Variants in ZNF423 observed in about 807,000 individuals in gnomAD.
ZNF423 encodes the protein Ebf-associated zinc finger protein.
ZNF423 carries 12 observed loss-of-function variants against 95.8 expected under a neutral mutation model. The observed-to-expected ratio is 0.13, with a 90% CI of 0.08 to 0.20. The LOEUF is 0.20. ZNF423 is among the 10% of genes least tolerant of loss of function. ZNF423 has a pLI of 1.00. For synonymous variants in ZNF423, 749 were observed against 711.9 expected, an observed-to-expected ratio of 1.05 and a Z score of -0.83; for missense variants, 1,316 against 1,737.1, an observed-to-expected ratio of 0.76 and a Z score of 4.31.
At chr16:49,689,932 A>G (rs149709421) in intron 3 of ZNF423, among the ~76,000 whole-genome samples, 51 of 152,314 alleles carry the variant, frequency 3.3e-4, no homozygotes, top group African/African-American at 1.2e-3. Flanking sequence ...TCAATAGCCA[A>G]GGACACTCTC....
At chr16:49,722,516 A>G (rs1055588813) in intron 3 of ZNF423, among the ~76,000 whole-genome samples, 1 of 152,248 alleles carries the variant, frequency 6.6e-6, no homozygotes, top group African/African-American at 2.4e-5. Context: ...CCCTGCTAAT[A>G]GCACACACTA....
chr16:49,563,124 T>C (rs117354002), intron 5 of ZNF423, among the ~76,000 whole-genome samples: 6,865 of 152,282 alleles, frequency 0.045, 221 homozygotes, highest in Middle Eastern at 0.088. Context: ...AGTTTGGATG[T>C]TTGACCTCTC....
At chr16:49,527,518 A>G (rs1370212182) in intron 5 of ZNF423, among the ~76,000 whole-genome samples, 1 of 152,060 alleles carries the variant, frequency 6.6e-6, no homozygotes, top group African/African-American at 2.4e-5. Flanking sequence ...TGCCTGGCAC[A>G]GGGTGTAGGA....
chr16:49,775,721 G>A lies in ZNF423; in HGVS notation c.100+13766C>T, dbSNP rs556777118. ...CTGCTGCCTCCTCACTCTAGAATGT[G>A]AGTCCTGGAAGTCAGGGACCCAACT... On this transcript the variant is annotated intron_variant, in intron 2 of 7. Transcript: ENST00000563137. 5.9e-5 allele frequency among the ~76,000 whole-genome samples: 9 copies of A among 152,296 alleles called. No homozygotes were observed. The East Asian group carries it at 1.7e-3, about 29-fold the overall frequency.
chr16:49,601,949 G>A (rs953701113), intron 5 of ZNF423, among the ~76,000 whole-genome samples: 3 of 152,236 alleles, frequency 2.0e-5, no homozygotes, highest in East Asian at 1.9e-4. Flanking sequence ...GTGATCTGGA[G>A]TCTTTCCTAT....
At chr16:49,806,773 A>C (rs2034670453) in intron 1 of ZNF423, among the ~76,000 whole-genome samples, 1 of 152,112 alleles carries the variant, frequency 6.6e-6, no homozygotes, top group African/African-American at 2.4e-5. Context: ...TCACGCCTGT[A>C]ATCCCAGCAC....
chr16:49,520,273 C>G (rs1968341068), intron 7 of ZNF423, among the ~76,000 whole-genome samples: 1 of 152,196 alleles, frequency 6.6e-6, no homozygotes, highest in Admixed American at 6.5e-5. Flanking sequence ...CCTAATTATT[C>G]GGTTGTGAAT....
At chr16:49,687,311 TGGAAGTGGG>T (rs1457252036) in intron 3 of ZNF423, among the ~76,000 whole-genome samples, 1 of 151,644 alleles carries the variant, frequency 6.6e-6, no homozygotes, top group Non-Finnish European at 1.5e-5. Flanking sequence ...TAGGAAGGGG[TGGAAGTGGG>T]GGAAGCTTCC....
chr16:49,534,241 T>C (rs1264496861), intron 5 of ZNF423, among the ~76,000 whole-genome samples: 1 of 7,924 alleles, frequency 1.3e-4, no homozygotes, highest in African/African-American at 5.5e-4. Context: ...TCTCCTTCTT[T>C]TTTTTTGTTT....
At chr16:49,812,783 G>A (rs1040175956) in intron 1 of ZNF423, among the ~76,000 whole-genome samples, 3 of 152,174 alleles carry the variant, frequency 2.0e-5, no homozygotes, top group Non-Finnish European at 4.4e-5. Context: ...GTGAGGGGCT[G>A]TATGGTGTAC....
intron 1 of ZNF423, among the ~76,000 whole-genome samples, chr16:49,822,161 AC>A (rs2034951395): frequency 7.0e-6 from 1 of 142,690 alleles, no homozygotes; most frequent in African/African-American, 2.6e-5. Flanking sequence ...TGCCTAAGTC[AC>A]CCCCGCAGGA....
chr16:49,614,219 A>C (rs11076487), intron 5 of ZNF423, among the ~76,000 whole-genome samples: 1 of 152,170 alleles, frequency 6.6e-6, no homozygotes, highest in African/African-American at 2.4e-5. Context: ...TTAGCCATTA[A>C]GGAAATGCAA....
intron 1 of ZNF423, among the ~76,000 whole-genome samples, chr16:49,804,888 C>T (rs1408059400): frequency 1.4e-5 from 2 of 139,910 alleles, no homozygotes; most frequent in Non-Finnish European, 3.1e-5. Context: ...CCTGATCCCA[C>T]AGCTTTTTTT....
intron 5 of ZNF423, among the ~76,000 whole-genome samples, chr16:49,531,514 C>T (rs1210941863): frequency 5.3e-5 from 8 of 152,062 alleles, no homozygotes; most frequent in African/African-American, 1.7e-4. Context: ...AGCTAGGAAC[C>T]TGAGCTGTGG....
At chr16:49,611,049 C>G (rs1327245580) in intron 5 of ZNF423, among the ~76,000 whole-genome samples, 1 of 152,016 alleles carries the variant, frequency 6.6e-6, no homozygotes, top group African/African-American at 2.4e-5. Context: ...GACATATCCA[C>G]AATTATAGTA....
At chr16:49,677,852 A>T (rs775263099) in intron 3 of ZNF423, among the ~76,000 whole-genome samples, 3 of 152,130 alleles carry the variant, frequency 2.0e-5, no homozygotes, top group Non-Finnish European at 4.4e-5. Flanking sequence ...AATTTCATAC[A>T]TTCCATTAGT....
chr16:49,518,585 C>CAAA, intron 7 of ZNF423: 8 of 375,136 alleles, frequency 2.1e-5, no homozygotes, highest in East Asian at 7.9e-5. Context: ...TGTTCCATTG[C>CAAA]AAAAAAAAAA....
At chr16:49,710,322 A>G (rs942191189) in intron 3 of ZNF423, among the ~76,000 whole-genome samples, 4 of 152,094 alleles carry the variant, frequency 2.6e-5, no homozygotes, top group African/African-American at 7.2e-5. Flanking sequence ...TATCCTTCCT[A>G]AAGTCCTTGC....
At chr16:49,694,212 G>T (rs1365512731) in intron 3 of ZNF423, among the ~76,000 whole-genome samples, 1 of 152,182 alleles carries the variant, frequency 6.6e-6, no homozygotes, top group Non-Finnish European at 1.5e-5. Flanking sequence ...GGAGGGAGAG[G>T]GAGGGAGACT....
Sources: gnomAD v4.1 joint callset for allele counts (sites outside exome capture counted in the v4.1 genomes callset) on GRCh38, gnomAD v4.1.1 for gene constraint, MANE v1.5 for transcripts, NCBI Gene and HGNC (gene_info 2026-07-23, HGNC 2026-07-21) for gene names.